NARS1: variants seen among roughly 807,000 people sequenced by gnomAD.
NARS1 encodes asparagine--tRNA ligase, cytoplasmic.
NARS1 carries 65 observed loss-of-function variants against 79.2 expected under a neutral mutation model. That is an observed-to-expected ratio of 0.82 (90% CI 0.67 to 1.01). NARS1 has a LOEUF of 1.01. Among genes scored for constraint, NARS1 ranks in the 50% least tolerant of loss-of-function variants. The probability of loss-of-function intolerance (pLI) is 0.00; values close to 1 mark genes in which losing one functional copy is unlikely to be tolerated. For synonymous variants in NARS1, 229 were observed against 238.8 expected, an observed-to-expected ratio of 0.96 and a Z score of 0.38; for missense variants, 649 against 673.8, an observed-to-expected ratio of 0.96 and a Z score of 0.41.
chr18:57,614,492 ACT>A (rs1321335940), intron 4 of NARS1, among the ~76,000 whole-genome samples: 2 of 151,570 alleles, frequency 1.3e-5, no homozygotes, highest in Admixed American at 1.3e-4. Context: ...CAAGAGTGAA[ACT>A]CTGTCTCATA....
chr18:57,602,177 T>A (rs2051512650), intron 13 of NARS1, among the ~76,000 whole-genome samples, 178 bp downstream of exon 13: 1 of 152,154 alleles, frequency 6.6e-6, no homozygotes, highest in East Asian at 1.9e-4. Context: ...GAAATTAACA[T>A]ATAACTTGGC....
intron 4 of NARS1, among the ~76,000 whole-genome samples, chr18:57,615,177 A>T (rs891087800): frequency 1.3e-5 from 2 of 150,712 alleles, no homozygotes; most frequent in Admixed American, 1.3e-4. Context: ...CAAAATAAAT[A>T]AATTAAAATT....
At chr18:57,617,572 CAAAAAAAAAAAA>C (rs59412339) in intron 2 of NARS1, among the ~76,000 whole-genome samples, 9 of 66,614 alleles carry the variant, frequency 1.4e-4, no homozygotes, top group South Asian at 6.7e-4. Flanking sequence ...GACTCCGTCT[CAAAAAAAAAAAA>C]AAAAAAAAAA....
chr18:57,605,337 G>A (rs1284682299), intron 11 of NARS1, among the ~76,000 whole-genome samples: 10 of 151,694 alleles, frequency 6.6e-5, no homozygotes, highest in Admixed American at 2.6e-4. Flanking sequence ...GGCCAGAAGC[G>A]GTGGCTCACG....
At position 57,620,523 on chromosome 18, in the gene NARS1, T is replaced by G. The variant is rs375428780; in HGVS notation, c.93+46A>C. On this transcript the variant is annotated intron_variant, in intron 2 of 13. Coordinates refer to ENST00000256854, the MANE Select transcript of NARS1 (RefSeq NM_004539.4). ...CAAGTCACAAGAAAATTGACATAACTCATTAATAAATGCAGTCTCATTTTC... is the reference window on the plus strand; with the variant it reads ...CAAGTCACAAGAAAATTGACATAACGCATTAATAAATGCAGTCTCATTTTC... The G allele has an allele frequency of 4.0e-4, 518 of 1,289,414 alleles. 2 individuals are homozygous for G. Among genetic ancestry groups the G allele is most frequent in the Non-Finnish European group, 1.8e-4 (162 of 900,888 alleles). The allele number at this position is 1,289,414 out of a possible 1,614,324, so 79.9% of individuals were successfully genotyped here.
chr18:57,605,651 C>A (rs563485579), intron 11 of NARS1, among the ~76,000 whole-genome samples: 1 of 151,046 alleles, frequency 6.6e-6, no homozygotes, highest in Non-Finnish European at 1.5e-5. Flanking sequence ...AACTCACTTA[C>A]GCTTACTGGG....
At chr18:57,602,222 A>G in intron 13 of NARS1, 133 bp downstream of exon 13, 1 of 821,258 alleles carries the variant, frequency 1.2e-6, no homozygotes. Context: ...ACACCACATT[A>G]TAACCTGCAA....
Position 57,602,846 on chromosome 18 carries a change from T to C in NARS1, c.1349A>G (p.Gln450Arg). ...FPVEIKSFYMQRCPEDSRLTE... is the reference protein window; with the variant it reads ...FPVEIKSFYMRRCPEDSRLTE... The stretch of plus-strand genomic sequence containing the variant: ...AAGACGGGAATCCTCAGGACATCGC[T>C]GCATGTAGAAGGACTTGATCTCCAC... Residue 450 changes from glutamine (Q) to arginine (R), a missense_variant, in exon 12 of 14, where the codon CAG becomes CGG. Physicochemically the swap from Gln to Arg is conservative, Grantham distance 43. Transcript: ENST00000256854. The C allele has an allele frequency of 6.2e-7, 1 of 1,613,996 alleles. No homozygotes were observed. Among genetic ancestry groups the C allele is most frequent in the East Asian group, 2.2e-5 (1 of 44,890 alleles).
Position 57,601,690 on chromosome 18 carries a change from A to T in NARS1, c.1609T>A (p.Cys537Ser), listed in dbSNP as rs2051507670. 6.2e-7 allele frequency: 1 copy of T among 1,614,048 alleles called. No homozygotes were observed. Among genetic ancestry groups the T allele is most frequent in the Non-Finnish European group, 8.5e-7 (1 of 1,179,890 alleles). Residue 537 changes from cysteine to serine, a missense_variant, in exon 14 of 14, where the codon TGC becomes AGC. Coordinates refer to ENST00000256854, the MANE Select transcript of NARS1 (RefSeq NM_004539.4). Reference protein sequence around the residue: ...ILNRYHIRDVCLYPRFVQRCT... With the variant: ...ILNRYHIRDVSLYPRFVQRCT... ...CGCTGGACAAATCGAGGGTATAAGCACACGTCTCGGATGTGATACCTATTC... is the reference window on the plus strand; with the variant it reads ...CGCTGGACAAATCGAGGGTATAAGCTCACGTCTCGGATGTGATACCTATTC...
intron 2 of NARS1, among the ~76,000 whole-genome samples, chr18:57,616,398 C>T (rs944166055): frequency 2.0e-5 from 3 of 146,396 alleles, no homozygotes; most frequent in Non-Finnish European, 4.5e-5. Flanking sequence ...CCAGCCTGGG[C>T]AACAGAGCGA....
intron 2 of NARS1, among the ~76,000 whole-genome samples, chr18:57,618,357 A>T (rs1172375822): frequency 6.6e-6 from 1 of 151,998 alleles, no homozygotes; most frequent in East Asian, 1.9e-4. Context: ...CCATGAATAC[A>T]TGTAGGTCGT....
At chr18:57,616,047 G>A (rs1568166403) in intron 2 of NARS1, 72 bp from the exon 3 acceptor site, 14 of 1,341,364 alleles carry the variant, frequency 1.0e-5, no homozygotes, top group Non-Finnish European at 1.3e-5. Flanking sequence ...AACATCTCAA[G>A]TATAAGGCAA....
At position 57,601,370 on chromosome 18, in the gene NARS1, A is replaced by G. The variant is rs2051504028; in HGVS notation, c.*282T>C. 1 of 256,282 alleles carries G rather than the reference A, an allele frequency of 3.9e-6. No individual in the cohort carries two copies. Among genetic ancestry groups the G allele is most frequent in the Admixed American group, 4.8e-5 (1 of 20,656 alleles). The allele number at this position is 256,282 out of a possible 1,614,324, so 15.9% of individuals were successfully genotyped here. On this transcript the variant is annotated 3_prime_UTR_variant, in exon 14 of 14. Transcript: ENST00000256854. Reference sequence around the variant, plus strand: ...TAAAATGAATAACTTGGATAAAGTGAGTAAAATGCTGAAATGTATCCCTAA... The same window carrying G: ...TAAAATGAATAACTTGGATAAAGTGGGTAAAATGCTGAAATGTATCCCTAA...
intron 13 of NARS1, among the ~76,000 whole-genome samples, 190 bp downstream of exon 13, chr18:57,602,165 A>T (rs1490423657): frequency 6.6e-6 from 1 of 152,222 alleles, no homozygotes; most frequent in Non-Finnish European, 1.5e-5. Context: ...AGGTTTTCAA[A>T]TGAAATTAAC....
chr18:57,618,326 G>A (rs1002589040), intron 2 of NARS1, among the ~76,000 whole-genome samples: 2 of 150,350 alleles, frequency 1.3e-5, no homozygotes, highest in Admixed American at 6.7e-5. Context: ...TGATGAAAAT[G>A]CAAAACCAAG....
At chr18:57,618,063 G>C (rs1908132556) in intron 2 of NARS1, among the ~76,000 whole-genome samples, 2 of 151,462 alleles carry the variant, frequency 1.3e-5, no homozygotes, top group Admixed American at 1.3e-4. Flanking sequence ...GATCACCTGA[G>C]CTCAAGAGTT....
chr18:57,620,881 T>G (rs571541010), intron 1 of NARS1, among the ~76,000 whole-genome samples: 1 of 152,224 alleles, frequency 6.6e-6, no homozygotes, highest in Non-Finnish European at 1.5e-5. Context: ...TCATTTTAAT[T>G]TGTGATATTT....
At chr18:57,615,082 C>A (rs928243275) in intron 4 of NARS1, among the ~76,000 whole-genome samples, 1 of 152,010 alleles carries the variant, frequency 6.6e-6, no homozygotes, top group African/African-American at 2.4e-5. Context: ...TTGGGAGGAT[C>A]GTTAGAGCCC....
chr18:57,617,914 CAAAAAAA>C (rs34518818), intron 2 of NARS1, among the ~76,000 whole-genome samples: 1 of 97,064 alleles, frequency 1.0e-5, no homozygotes, highest in Admixed American at 1.1e-4. Context: ...GACTCCTTTT[CAAAAAAA>C]AAAAAAAGAA....
Sources: allele counts gnomAD v4.1 joint callset (sites outside exome capture counted in the v4.1 genomes callset), GRCh38; gene constraint gnomAD v4.1.1; transcripts MANE v1.5; gene names NCBI Gene and HGNC (gene_info 2026-07-23, HGNC 2026-07-21).